PRSS38: variants seen among roughly 807,000 people sequenced by gnomAD.
PRSS38 encodes marapsin 2.
In PRSS38, 22 loss-of-function variants were observed where a neutral mutation model predicts 26.8. The ratio of observed to expected loss-of-function variants is 0.82; its 90% CI spans 0.59 to 1.17. PRSS38 has a LOEUF of 1.17. Among genes scored for constraint, PRSS38 ranks in the 50% most tolerant of loss-of-function variants. The pLI is 0.00. For missense variants in PRSS38, 427 were observed against 422.7 expected (o/e 1.01, Z -0.09); for synonymous variants, 175 against 172.1 (o/e 1.02, Z -0.13).
intron 3 of PRSS38, among the ~76,000 whole-genome samples, chr1:227,837,083 T>C (rs1392826464): frequency 1.3e-5 from 2 of 152,180 alleles, no homozygotes; most frequent in African/African-American, 4.8e-5. Context: ...CTCTAACTCT[T>C]GGGCTCAAAT....
intron 3 of PRSS38, among the ~76,000 whole-genome samples, chr1:227,823,890 T>G (rs187035531): frequency 9.6e-4 from 147 of 152,342 alleles, no homozygotes; most frequent in African/African-American, 3.3e-3. Context: ...GTATTTTTGT[T>G]ATTGCAAATA....
At chr1:227,845,647 G>A in intron 4 of PRSS38, 35 bp downstream of exon 4, 2 of 1,601,134 alleles carry the variant, frequency 1.2e-6, no homozygotes, top group Non-Finnish European at 1.7e-6. Flanking sequence ...CAGAGGTCAT[G>A]GGTGCCCTGT....
In PRSS38 at chr1:227,845,458, C is replaced by G. The variant is rs890100333; in HGVS notation, c.584-12C>G. 1.2e-6 allele frequency: 2 copies of G among 1,604,612 alleles called. No individual in the cohort carries two copies. The highest frequency in any genetic ancestry group is 1.7e-6 in the Non-Finnish European group (2 of 1,176,974). ...CAGGTGCTGCCCCCTCACGGGAGCC[C>G]TCCTCCCACAGGTGAGACCTCAGAC... On this transcript the variant is annotated splice_polypyrimidine_tract_variant and intron_variant, in intron 3 of 4. Transcript: ENST00000366757.
chr1:227,817,961 C>T (rs1257311755), intron 3 of PRSS38, among the ~76,000 whole-genome samples: 1 of 152,152 alleles, frequency 6.6e-6, no homozygotes, highest in Non-Finnish European at 1.5e-5. Context: ...GCACATTGAT[C>T]TTATATCCAG....
chr1:227,821,236 A>G (rs925901720), intron 3 of PRSS38, among the ~76,000 whole-genome samples: 2 of 151,892 alleles, frequency 1.3e-5, no homozygotes. Flanking sequence ...TTTTTTGCAC[A>G]ATATTCCATG....
chr1:227,835,445 C>T (rs1665224400), intron 3 of PRSS38, among the ~76,000 whole-genome samples: 1 of 152,058 alleles, frequency 6.6e-6, no homozygotes, highest in South Asian at 2.1e-4. Context: ...GCCCAATTAC[C>T]ACACATAACA....
At chr1:227,838,036 G>A (rs1191047848) in intron 3 of PRSS38, among the ~76,000 whole-genome samples, 5 of 152,046 alleles carry the variant, frequency 3.3e-5, no homozygotes, top group Non-Finnish European at 7.4e-5. Flanking sequence ...GATGACAGTC[G>A]TGAGCCATTG....
At chr1:227,815,888 T>G in intron 1 of PRSS38, 24 bp downstream of exon 1, 1 of 1,582,708 alleles carries the variant, frequency 6.3e-7, no homozygotes, top group Non-Finnish European at 8.6e-7. Flanking sequence ...CAGGGGCGGA[T>G]GGGCGGCTGG....
chr1:227,845,888 G>A, intron 4 of PRSS38, 66 bp from the exon 5 acceptor site: 1 of 1,582,698 alleles, frequency 6.3e-7, no homozygotes, highest in Non-Finnish European at 8.6e-7. Flanking sequence ...GCACCCTGGG[G>A]GACAGGTGCA....
At chr1:227,828,342 T>G (rs1305651439) in intron 3 of PRSS38, among the ~76,000 whole-genome samples, 1 of 152,208 alleles carries the variant, frequency 6.6e-6, no homozygotes, top group Non-Finnish European at 1.5e-5. Context: ...TGTAGGTCTC[T>G]AATAACTTGC....
intron 3 of PRSS38, among the ~76,000 whole-genome samples, chr1:227,832,421 G>T (rs1665166295): frequency 6.6e-6 from 1 of 151,830 alleles, no homozygotes; most frequent in African/African-American, 2.4e-5. Flanking sequence ...GTGCCTTTTG[G>T]TATGCCATTT....
chr1:227,834,668 CA>C (rs61510167), intron 3 of PRSS38, among the ~76,000 whole-genome samples: 137,940 of 148,230 alleles, frequency 0.93, 64,260 homozygotes, highest in African/African-American at 0.98. Flanking sequence ...GACTCTGTTT[CA>C]AAAAAAAAAA....
intron 3 of PRSS38, among the ~76,000 whole-genome samples, chr1:227,829,214 T>C (rs966741582): frequency 5.3e-5 from 8 of 152,182 alleles, no homozygotes; most frequent in Admixed American, 3.3e-4. Context: ...CTGCTTCCAA[T>C]TGGCCATTTT....
chr1:227,837,298 C>T (rs1055997960), intron 3 of PRSS38, among the ~76,000 whole-genome samples: 1 of 152,240 alleles, frequency 6.6e-6, no homozygotes, highest in African/African-American at 2.4e-5. Context: ...ATTTTGTCAT[C>T]ATTTAGTAGT....
chr1:227,835,143 C>T (rs1279847686), intron 3 of PRSS38, among the ~76,000 whole-genome samples: 2 of 152,166 alleles, frequency 1.3e-5, no homozygotes, highest in East Asian at 1.9e-4. Flanking sequence ...ATTCATCCCT[C>T]GCCAAAATGG....
At chr1:227,831,973 C>T (rs1160637463) in intron 3 of PRSS38, among the ~76,000 whole-genome samples, 1 of 152,220 alleles carries the variant, frequency 6.6e-6, no homozygotes, top group Admixed American at 6.5e-5. Context: ...CATGTCTTTT[C>T]AGGCTCTGAT....
intron 3 of PRSS38, among the ~76,000 whole-genome samples, chr1:227,827,685 C>G (rs550376421): frequency 4.0e-5 from 6 of 150,240 alleles, no homozygotes; most frequent in African/African-American, 1.5e-4. Context: ...CCATGTCTCT[C>G]TCTCATTCAG....
chr1:227,816,094 T>A lies in PRSS38; in HGVS notation c.153T>A (p.Cys51Ter). The change falls in exon 2 of 5, where the codon TGT (cysteine) becomes TGA (stop). Residue 51 changes from cysteine to a stop codon, truncating the protein, a stop_gained. Coordinates refer to ENST00000366757, the Ensembl canonical transcript of PRSS38. LOFTEE classifies it high-confidence loss of function. This position sits in a 1 kb window ranked among gnomAD's most constrained non-coding sequence, Gnocchi z 5.1. ...TCAGCTCCGTTCTCCCTGCAGCCTG[T>A]GGTCGGCCCAGCATGGAGGGGAAAA... 6.2e-7 allele frequency: 1 copy of A among 1,612,084 alleles called. No homozygotes were observed. The highest frequency in any genetic ancestry group is 8.5e-7 in the Non-Finnish European group (1 of 1,179,104).
intron 3 of PRSS38, among the ~76,000 whole-genome samples, chr1:227,834,670 A>C (rs1026567564): frequency 9.9e-4 from 1 of 1,006 alleles, no homozygotes; most frequent in African/African-American, 0.018. Flanking sequence ...CTCTGTTTCA[A>C]AAAAAAAAAA....
Sources: allele counts gnomAD v4.1 joint callset (sites outside exome capture counted in the v4.1 genomes callset), GRCh38; gene constraint gnomAD v4.1.1; non-coding constraint Gnocchi (gnomAD v3.1); transcripts MANE v1.5; gene names NCBI Gene and HGNC (gene_info 2026-07-23, HGNC 2026-07-21).